Variants in STAU2 observed in about 807,000 individuals in gnomAD.
STAU2 encodes the protein double-stranded RNA-binding protein Staufen homolog 2.
In STAU2, 20 loss-of-function variants were observed where a neutral mutation model predicts 65.9. That is an observed-to-expected ratio of 0.30 (90% CI 0.21 to 0.44). STAU2 has a LOEUF of 0.44. Among genes scored for constraint, STAU2 ranks in the 20% least tolerant of loss-of-function variants. STAU2 has a pLI of 1.00. For missense variants in STAU2, 558 were observed against 683.9 expected, an observed-to-expected ratio of 0.82 and a Z score of 2.05; for synonymous variants, 232 against 233.9, an observed-to-expected ratio of 0.99 and a Z score of 0.07.
chr8:73,448,432 G>T (rs1240394669), intron 13 of STAU2, among the ~76,000 whole-genome samples: 1 of 152,148 alleles, frequency 6.6e-6, no homozygotes, highest in East Asian at 1.9e-4. Flanking sequence ...ACAGGCGCAC[G>T]CCGCCACGCC....
At chr8:73,669,626 T>G (rs1409082469) in intron 6 of STAU2, among the ~76,000 whole-genome samples, 1 of 145,578 alleles carries the variant, frequency 6.9e-6, no homozygotes, top group Non-Finnish European at 1.5e-5. Flanking sequence ...TGCTATTTCT[T>G]GAGCCTGGAA....
chr8:73,667,788 A>G (rs547770412), intron 6 of STAU2, among the ~76,000 whole-genome samples: 16 of 152,342 alleles, frequency 1.1e-4, no homozygotes, highest in African/African-American at 3.6e-4. Flanking sequence ...TGACCTCACG[A>G]AAGTCCTTCA....
chr8:73,716,861 T>C (rs1447319194), intron 3 of STAU2, among the ~76,000 whole-genome samples: 2 of 152,106 alleles, frequency 1.3e-5, no homozygotes, highest in African/African-American at 2.4e-5. Flanking sequence ...CCCAGTACTT[T>C]GGGAGGCCAA....
rs749441144 is a variant in STAU2 at position 73,600,198 on chromosome 8, CTCTTT to C, written c.1029+3523_1029+3527del. ...AATGATATAAAAAAGGTGCTGTACT[CTCTTT>C]TAACAGAGTTTCAGTAAAGACAAAC... On this transcript the variant is annotated intron_variant, in intron 10 of 14. Coordinates refer to ENST00000524300, the MANE Select transcript of STAU2 (RefSeq NM_001164380.2). Among the ~76,000 whole-genome samples the C allele has an allele frequency of 1.1e-4, 16 of 152,328 alleles. 1 individual carries two copies. The South Asian group carries it at 2.7e-3, about 26-fold the overall frequency.
intron 13 of STAU2, among the ~76,000 whole-genome samples, chr8:73,495,765 T>G (rs2128917533): frequency 6.6e-6 from 1 of 150,638 alleles, no homozygotes; most frequent in East Asian, 2.0e-4. Context: ...TCTAAAAGAT[T>G]ATATAAATGA....
intron 3 of STAU2, among the ~76,000 whole-genome samples, chr8:73,730,551 A>G (rs1805974907): frequency 6.6e-6 from 1 of 151,968 alleles, no homozygotes; most frequent in African/African-American, 2.4e-5. Flanking sequence ...ACATGGCAAA[A>G]CCCCGTCTCT....
chr8:73,565,361 T>C (rs2128951719), intron 12 of STAU2, among the ~76,000 whole-genome samples: 1 of 152,294 alleles, frequency 6.6e-6, no homozygotes, highest in Admixed American at 6.5e-5. Context: ...CCATCTGCCA[T>C]GACTGTAAGC....
chr8:73,713,257 T>C (rs1158722748), intron 3 of STAU2, among the ~76,000 whole-genome samples: 1 of 152,202 alleles, frequency 6.6e-6, no homozygotes, highest in East Asian at 1.9e-4. Context: ...CTTCACAAAA[T>C]GTCCTGGACT....
rs1292581157 is a variant in STAU2 at position 73,669,053 on chromosome 8, A to G, written c.410+4054T>C. ...ATTAATCTGGGTTCTGACAAGGAAA[A>G]GACATCTCCTTGGATCTTTGGCTCC... is the stretch of plus-strand genomic sequence containing the variant. On this transcript the variant is annotated intron_variant, in intron 6 of 14. Coordinates refer to ENST00000524300, the MANE Select transcript of STAU2 (RefSeq NM_001164380.2). 2.2e-5 allele frequency: 12 copies of G among 541,636 alleles called. No individual in the cohort carries two copies. The East Asian group carries it at 3.8e-4, about 17-fold the overall frequency. 33.6% of individuals were successfully genotyped at this position (541,636 alleles called of 1,614,324 possible).
At chr8:73,593,611 T>C (rs1001917106) in intron 11 of STAU2, among the ~76,000 whole-genome samples, 5 of 152,196 alleles carry the variant, frequency 3.3e-5, no homozygotes, top group African/African-American at 1.2e-4. Context: ...GGGTGAGATT[T>C]ACATTTAAAG....
chr8:73,681,250 C>T (rs568083953), intron 5 of STAU2, among the ~76,000 whole-genome samples: 19 of 151,990 alleles, frequency 1.3e-4, no homozygotes, highest in Admixed American at 2.0e-4. Context: ...AAAACCTATC[C>T]GATAAATAGC....
intron 13 of STAU2, among the ~76,000 whole-genome samples, chr8:73,510,895 T>C (rs754449540): frequency 6.6e-6 from 1 of 152,236 alleles, no homozygotes; most frequent in African/African-American, 2.4e-5. Flanking sequence ...ATTTACACAA[T>C]TGATATTTAG....
chr8:73,525,163 C>T (rs1823281258), intron 13 of STAU2, among the ~76,000 whole-genome samples: 2 of 152,124 alleles, frequency 1.3e-5, no homozygotes, highest in Admixed American at 1.3e-4. Flanking sequence ...CCAATGTGAC[C>T]ATCATCAACA....
intron 1 of STAU2, among the ~76,000 whole-genome samples, chr8:73,743,907 G>A (rs1807084059): frequency 6.6e-6 from 1 of 151,298 alleles, no homozygotes; most frequent in South Asian, 2.1e-4. Context: ...GAGTAGCTGG[G>A]ATTACAGGCG....
intron 13 of STAU2, among the ~76,000 whole-genome samples, chr8:73,489,856 A>C (rs1285621122): frequency 1.3e-5 from 2 of 152,032 alleles, no homozygotes; most frequent in Non-Finnish European, 2.9e-5. Context: ...ACTCACATTA[A>C]GCAAGAAAGA....
upstream of STAU2, chr8:73,747,328 C>G (rs1393322426): frequency 6.6e-7 from 1 of 1,522,606 alleles, no homozygotes; most frequent in Non-Finnish European, 8.8e-7. Flanking sequence ...TCCTTCCCCG[C>G]CCGACTGACC....
chr8:73,626,100 C>CAG (rs1432834785), intron 6 of STAU2, among the ~76,000 whole-genome samples: 3 of 150,180 alleles, frequency 2.0e-5, no homozygotes, highest in Non-Finnish European at 4.4e-5. Context: ...CACACACACA[C>CAG]ACAGACACAT....
chr8:73,572,422 C>T (rs1276156651), intron 12 of STAU2, among the ~76,000 whole-genome samples: 1 of 152,114 alleles, frequency 6.6e-6, no homozygotes, highest in Non-Finnish European at 1.5e-5. Context: ...ATCCTGATAC[C>T]AAAGCCTGGC....
intron 13 of STAU2, among the ~76,000 whole-genome samples, chr8:73,528,466 G>A (rs754095675): frequency 7.9e-5 from 12 of 152,082 alleles, no homozygotes; most frequent in Non-Finnish European, 1.6e-4. Flanking sequence ...TGGGGAAGGG[G>A]GAAGAGTTTG....
Sources: allele counts gnomAD v4.1 joint callset (sites outside exome capture counted in the v4.1 genomes callset), GRCh38; gene constraint gnomAD v4.1.1; transcripts MANE v1.5; gene names NCBI Gene and HGNC (gene_info 2026-07-23, HGNC 2026-07-21).